The following CCDC149 variants were observed in gnomAD, a reference collection of about 807,000 sequenced individuals.
CCDC149 encodes the protein coiled-coil domain-containing protein 149.
A neutral mutation model predicts 59.9 loss-of-function variants in CCDC149; 45 were observed. The ratio of observed to expected loss-of-function variants is 0.75; its 90% CI spans 0.59 to 0.96. The LOEUF (loss-of-function observed/expected upper bound fraction) is 0.96. Ranked by LOEUF, CCDC149 falls within the 40% of genes least tolerant of loss-of-function variation. The pLI is 0.00. For missense variants in CCDC149, 584 were observed against 664.7 expected (o/e 0.88, Z 1.33); for synonymous variants, 245 against 260.6 (o/e 0.94, Z 0.58).
intron 1 of CCDC149, among the ~76,000 whole-genome samples, chr4:24,928,464 G>C (rs75801966): frequency 6.6e-6 from 1 of 152,164 alleles, no homozygotes; most frequent in African/African-American, 2.4e-5. Flanking sequence ...CATAAAAGTC[G>C]AAGGCTTAAC....
chr4:24,920,721 A>G lies in CCDC149; in HGVS notation c.-64-25603T>C, dbSNP rs374979279. Reference sequence around the variant, plus strand: ...AGCAGCAATTCTGATTTTTACCACGAATTATTCTTCTATGTCCTGTTTGGA... The same window carrying G: ...AGCAGCAATTCTGATTTTTACCACGGATTATTCTTCTATGTCCTGTTTGGA... On this transcript the variant is annotated intron_variant, in intron 1 of 12. Coordinates refer to the CCDC149 transcript ENST00000389609. Among the ~76,000 whole-genome samples the G allele has an allele frequency of 2.8e-4, 43 of 152,328 alleles. 1 individual carries two copies. In the East Asian group the frequency reaches 7.1e-3, roughly 25 times the overall value.
chr4:24,918,670 G>C (rs772488099), intron 1 of CCDC149, among the ~76,000 whole-genome samples: 1 of 152,178 alleles, frequency 6.6e-6, no homozygotes, highest in Non-Finnish European at 1.5e-5. Flanking sequence ...TCCAGCACTG[G>C]TTCCTGCCTT....
rs555822717 is a variant in CCDC149, at chr4:24,962,551, C to A, written c.-65+17518G>T. Among the ~76,000 whole-genome samples, 25 of 152,240 alleles carry A rather than the reference C, an allele frequency of 1.6e-4. No individual in the cohort carries two copies. In the East Asian group the frequency reaches 4.6e-3, roughly 28 times the overall value. On this transcript the variant is annotated intron_variant, in intron 1 of 12. Coordinates refer to the CCDC149 transcript ENST00000389609. ...ATATACACCATGGAATACTATGCAGCCATAAAAAATGATGAGTTCATGTCC... is the reference window on the plus strand; with the variant it reads ...ATATACACCATGGAATACTATGCAGACATAAAAAATGATGAGTTCATGTCC...
chr4:24,913,614 G>C (rs1007834682), upstream of CCDC149, among the ~76,000 whole-genome samples: 13 of 152,182 alleles, frequency 8.5e-5, no homozygotes, highest in African/African-American at 2.9e-4. Context: ...AACTCTGAGG[G>C]AGATGGTTAG....
upstream of CCDC149, among the ~76,000 whole-genome samples, chr4:24,914,624 C>G (rs1411128177): frequency 7.2e-6 from 1 of 138,714 alleles, no homozygotes; most frequent in Non-Finnish European, 1.6e-5. Context: ...ATGAGTGAGC[C>G]CAGCTGAGAC....
chr4:24,948,129 A>C (rs1370987738), intron 1 of CCDC149, among the ~76,000 whole-genome samples: 1 of 152,198 alleles, frequency 6.6e-6, no homozygotes, highest in Admixed American at 6.5e-5. Context: ...TAAGAAACCT[A>C]TCCTGAAAAA....
chr4:24,856,790 CG>C (rs1430223514), intron 3 of CCDC149, among the ~76,000 whole-genome samples: 4 of 152,224 alleles, frequency 2.6e-5, no homozygotes, highest in African/African-American at 7.2e-5. Flanking sequence ...CTTTCCTCCA[CG>C]GAACTCCAGA....
At chr4:24,832,095 C>T (rs1241608162) in intron 8 of CCDC149, among the ~76,000 whole-genome samples, 1 of 152,176 alleles carries the variant, frequency 6.6e-6, no homozygotes, top group Non-Finnish European at 1.5e-5. Flanking sequence ...ACGTCAGTTT[C>T]CCACTGTGTG....
Position 24,978,794 on chromosome 4 carries a change from T to A in CCDC149, c.-65+1275A>T, listed in dbSNP as rs145377034. Reference sequence around the variant, plus strand: ...AATTTTGCCACAGATTCAGATCTACTCGGACTCACTGGTTTCCTTTGGTAA... The same window carrying A: ...AATTTTGCCACAGATTCAGATCTACACGGACTCACTGGTTTCCTTTGGTAA... On this transcript the variant is annotated intron_variant, in intron 1 of 12. Transcript: ENST00000389609. 2.4e-4 allele frequency among the ~76,000 whole-genome samples: 36 copies of A among 152,246 alleles called. 1 individual carries two copies. Among genetic ancestry groups the A allele is most frequent in the South Asian group, 1.9e-3 (9 of 4,798 alleles).
chr4:24,860,547 GA>G (rs1718312389), intron 3 of CCDC149, among the ~76,000 whole-genome samples: 1 of 152,078 alleles, frequency 6.6e-6, no homozygotes, highest in African/African-American at 2.4e-5. Flanking sequence ...AATACATCAT[GA>G]CCAGGAATAC....
chr4:24,947,377 T>A (rs1363006865), intron 1 of CCDC149, among the ~76,000 whole-genome samples: 1 of 152,168 alleles, frequency 6.6e-6, no homozygotes, highest in Non-Finnish European at 1.5e-5. Context: ...AAGGACATGT[T>A]TTCTTCCCCT....
intron 4 of CCDC149, among the ~76,000 whole-genome samples, chr4:24,843,447 C>T (rs1717062633): frequency 6.6e-6 from 1 of 152,140 alleles, no homozygotes; most frequent in Non-Finnish European, 1.5e-5. Flanking sequence ...TGTTAGTTTC[C>T]TCCACATCCT....
At chr4:24,875,645 T>TCTGCAAGGATGG (rs1366803680) in intron 2 of CCDC149, among the ~76,000 whole-genome samples, 1 of 152,070 alleles carries the variant, frequency 6.6e-6, no homozygotes, top group East Asian at 1.9e-4. Flanking sequence ...AATGTAACTC[T>TCTGCAAGGATGG]CTGCAAGGAT....
At chr4:24,874,244 G>GTTTTTTTTTTTTTTGTTTTTTTT (rs1719242804) in intron 2 of CCDC149, among the ~76,000 whole-genome samples, 2 of 87,488 alleles carry the variant, frequency 2.3e-5, no homozygotes, top group Admixed American at 1.2e-4. Context: ...TATTAGATTT[G>GTTTTTTTTTTTTTTGTTTTTTTT]TTTTTTTTTT....
intron 1 of CCDC149, among the ~76,000 whole-genome samples, chr4:24,889,484 G>A (rs942932115): frequency 6.6e-6 from 1 of 152,156 alleles, no homozygotes; most frequent in South Asian, 2.1e-4. Context: ...CAGAGATTGT[G>A]TATATGTTCA....
At chr4:24,951,883 C>A (rs917280770) in intron 1 of CCDC149, among the ~76,000 whole-genome samples, 14 of 152,178 alleles carry the variant, frequency 9.2e-5, no homozygotes, top group Non-Finnish European at 2.9e-5. Flanking sequence ...CAGATGCACC[C>A]TCTGAAACTC....
At chr4:24,933,635 C>T (rs972012592) in intron 1 of CCDC149, among the ~76,000 whole-genome samples, 1 of 152,126 alleles carries the variant, frequency 6.6e-6, no homozygotes, top group Non-Finnish European at 1.5e-5. Flanking sequence ...TCCTTTTCCT[C>T]CTAGAGTTCA....
chr4:24,956,412 A>C (rs1398172907), intron 1 of CCDC149, among the ~76,000 whole-genome samples: 1 of 152,132 alleles, frequency 6.6e-6, no homozygotes, highest in Non-Finnish European at 1.5e-5. Context: ...AAACTTCTGA[A>C]TTACTATATT....
intron 1 of CCDC149, among the ~76,000 whole-genome samples, chr4:24,945,972 C>T (rs373163724): frequency 1.3e-5 from 2 of 152,102 alleles, no homozygotes; most frequent in South Asian, 4.2e-4. Context: ...GTCTGGGCAT[C>T]ACAGCTTGAG....
Sources: allele counts gnomAD v4.1 joint callset (sites outside exome capture counted in the v4.1 genomes callset), GRCh38; gene constraint gnomAD v4.1.1; transcripts MANE v1.5; gene names NCBI Gene and HGNC (gene_info 2026-07-23, HGNC 2026-07-21).